Variants in RNLS observed in about 807,000 individuals in gnomAD.
The protein encoded by RNLS is renalase, FAD dependent amine oxidase.
In RNLS, 39 loss-of-function variants were observed where a neutral mutation model predicts 39.8. The observed-to-expected ratio is 0.98, with a 90% CI of 0.76 to 1.28. The LOEUF (loss-of-function observed/expected upper bound fraction) is 1.28, where lower values mean the gene tolerates loss of function less well. RNLS is among the 50% of genes most tolerant of loss of function. The pLI, the probability that RNLS is intolerant of heterozygous loss-of-function variation, is 0.00. For synonymous variants in RNLS, 147 were observed against 150.7 expected (o/e 0.98, Z 0.18); for missense variants, 410 against 413.3 (o/e 0.99, Z 0.07).
At chr10:88,538,662 G>A (rs1052502567) in intron 4 of RNLS, among the ~76,000 whole-genome samples, 1 of 152,024 alleles carries the variant, frequency 6.6e-6, no homozygotes, top group African/African-American at 2.4e-5. Context: ...ATGGATTGAG[G>A]CATTTAAGGC....
At chr10:88,300,289 C>A (rs1844417331) in intron 6 of RNLS, among the ~76,000 whole-genome samples, 1 of 152,108 alleles carries the variant, frequency 6.6e-6, no homozygotes, top group East Asian at 1.9e-4. Context: ...AAGTTGCATT[C>A]TTGAAAGAGA....
downstream of RNLS, among the ~76,000 whole-genome samples, chr10:88,270,268 G>A (rs1230604421): frequency 3.3e-5 from 5 of 152,174 alleles, no homozygotes; most frequent in Non-Finnish European, 7.3e-5. Context: ...TGCACTCCTA[G>A]TGCGGTCAAG....
chr10:88,578,581 A>G (rs1850343773), intron 3 of RNLS, among the ~76,000 whole-genome samples: 1 of 152,122 alleles, frequency 6.6e-6, no homozygotes, highest in Admixed American at 6.6e-5. Flanking sequence ...AAATAGCATT[A>G]AAATAAACAA....
chr10:88,301,752 C>T lies in RNLS; in HGVS notation c.876+12714G>A, dbSNP rs375726965. ...ATTCAACAGTCCCTTATGGTAATGACTAAGTGTCATAGTCCCTGGCATTGA... is the reference window on the plus strand; with the variant it reads ...ATTCAACAGTCCCTTATGGTAATGATTAAGTGTCATAGTCCCTGGCATTGA... On this transcript the variant is annotated intron_variant, in intron 6 of 6. Transcript: ENST00000331772. Among the ~76,000 whole-genome samples the T allele has an allele frequency of 3.9e-5, 6 of 152,290 alleles. 1 individual carries two copies. The highest frequency in any genetic ancestry group is 9.6e-5 in the African/African-American group (4 of 41,552).
At chr10:88,576,500 G>A (rs1204914189) in intron 3 of RNLS, among the ~76,000 whole-genome samples, 2 of 152,218 alleles carry the variant, frequency 1.3e-5, no homozygotes, top group Non-Finnish European at 2.9e-5. Flanking sequence ...GTGAGCAGCA[G>A]TCAGAACTGC....
intron 3 of RNLS, among the ~76,000 whole-genome samples, chr10:88,578,335 A>G (rs1164710780): frequency 6.6e-6 from 1 of 152,170 alleles, no homozygotes; most frequent in African/African-American, 2.4e-5. Flanking sequence ...AAGGGATGGT[A>G]GGACATTAAC....
intron 4 of RNLS, among the ~76,000 whole-genome samples, chr10:88,537,715 AG>A (rs1441474377): frequency 1.3e-5 from 2 of 152,004 alleles, no homozygotes; most frequent in Non-Finnish European, 2.9e-5. Context: ...AGAATGGGAG[AG>A]TTAGGGGCTG....
chr10:88,295,490 A>AC (rs936476551), intron 6 of RNLS, among the ~76,000 whole-genome samples: 2 of 152,128 alleles, frequency 1.3e-5, no homozygotes, highest in Non-Finnish European at 2.9e-5. Flanking sequence ...ATTATATTTA[A>AC]CGGTGATTTC....
At position 88,574,557 on chromosome 10, in the gene RNLS, G is replaced by A. The variant is rs11202777; in HGVS notation, c.368-1496C>T. On this transcript the variant is annotated intron_variant, in intron 3 of 6. Coordinates refer to ENST00000331772, the MANE Select transcript of RNLS (RefSeq NM_001031709.3). ...TAATACTCAAGGCTCCTTCATGTCG[G>A]GTCTTCAGATCTCATACACTTTCAT... 2.0e-4 allele frequency among the ~76,000 whole-genome samples: 31 copies of A among 152,178 alleles called. No individual in the cohort carries two copies. In the East Asian group the frequency reaches 3.7e-3, roughly 18 times the overall value.
chr10:88,568,697 G>T (rs1849656250), intron 4 of RNLS, among the ~76,000 whole-genome samples: 1 of 152,106 alleles, frequency 6.6e-6, no homozygotes, highest in Admixed American at 6.6e-5. Flanking sequence ...GTGCAAATGT[G>T]AGGAAAAGAG....
intron 5 of RNLS, among the ~76,000 whole-genome samples, chr10:88,338,680 C>G (rs543976744): frequency 6.6e-6 from 1 of 151,530 alleles, no homozygotes; most frequent in Admixed American, 6.6e-5. Context: ...TTCCTAATAA[C>G]TTGAGTTATC....
intron 6 of RNLS, among the ~76,000 whole-genome samples, chr10:88,299,143 A>G (rs1475199876): frequency 6.6e-6 from 1 of 152,134 alleles, no homozygotes; most frequent in Non-Finnish European, 1.5e-5. Context: ...AGTTCTTTGC[A>G]TATTCTGAAT....
At chr10:88,452,045 C>T (rs894980680) in intron 4 of RNLS, among the ~76,000 whole-genome samples, 20 of 152,148 alleles carry the variant, frequency 1.3e-4, no homozygotes, top group Admixed American at 3.9e-4. Flanking sequence ...ACAATATCCT[C>T]GTAAGGATTA....
chr10:88,391,405 A>G (rs1852190213), intron 4 of RNLS, among the ~76,000 whole-genome samples: 1 of 152,134 alleles, frequency 6.6e-6, no homozygotes, highest in African/African-American at 2.4e-5. Flanking sequence ...TAAAAATACA[A>G]AAATTAGCCG....
At chr10:88,456,069 G>T (rs1842613093) in intron 4 of RNLS, among the ~76,000 whole-genome samples, 1 of 152,038 alleles carries the variant, frequency 6.6e-6, no homozygotes, top group South Asian at 2.1e-4. Flanking sequence ...CTTAAGATTT[G>T]GAAAGAAAAT....
At chr10:88,459,541 T>C (rs10509550) in intron 4 of RNLS, among the ~76,000 whole-genome samples, 27,906 of 152,106 alleles carry the variant, frequency 0.18, 2,970 homozygotes, top group Non-Finnish European at 0.25. Context: ...AGTCCATGTA[T>C]CCAGGGAGCT....
chr10:88,364,376 A>T (rs2133380516), intron 4 of RNLS, among the ~76,000 whole-genome samples: 1 of 152,270 alleles, frequency 6.6e-6, no homozygotes, highest in South Asian at 2.1e-4. Flanking sequence ...AATCCTATAC[A>T]TTATTTCAGC....
chr10:88,399,755 C>G (rs1852799086), intron 4 of RNLS, among the ~76,000 whole-genome samples: 1 of 151,974 alleles, frequency 6.6e-6, no homozygotes, highest in South Asian at 2.1e-4. Flanking sequence ...AATTATATCC[C>G]AATTTTTAAA....
chr10:88,304,113 A>T (rs1844743374), intron 6 of RNLS, among the ~76,000 whole-genome samples: 1 of 152,208 alleles, frequency 6.6e-6, no homozygotes, highest in South Asian at 2.1e-4. Context: ...TCTTTCAGAA[A>T]TGAAGCCAGT....
Sources: gnomAD v4.1 joint callset for allele counts (sites outside exome capture counted in the v4.1 genomes callset) on GRCh38, gnomAD v4.1.1 for gene constraint, MANE v1.5 for transcripts, NCBI Gene and HGNC (gene_info 2026-07-23, HGNC 2026-07-21) for gene names.